Variants in MGST1 observed in about 807,000 individuals in gnomAD.
MGST1 encodes glutathione S-transferase 12.
A neutral mutation model predicts 8.9 loss-of-function variants in MGST1; 5 were observed. The ratio of observed to expected loss-of-function variants is 0.56; its 90% CI spans 0.29 to 1.19. The LOEUF (loss-of-function observed/expected upper bound fraction) is 1.19, where lower values mean the gene tolerates loss of function less well. MGST1 is among the 50% of genes most tolerant of loss of function. The pLI, the probability that MGST1 is intolerant of heterozygous loss-of-function variation, is 0.08. For synonymous variants in MGST1, 54 were observed against 67.8 expected, an observed-to-expected ratio of 0.80 and a Z score of 1.00; for missense variants, 182 against 187.4, an observed-to-expected ratio of 0.97 and a Z score of 0.17.
chr12:16,539,869 TAAAC>T (rs933158836), intron 4 of MGST1, among the ~76,000 whole-genome samples: 23 of 152,326 alleles, frequency 1.5e-4, no homozygotes, highest in African/African-American at 5.3e-4. Flanking sequence ...TTTCATAAAA[TAAAC>T]AAGGCCCTTC....
At chr12:16,403,317 TG>T (rs1253999342) in intron 1 of MGST1, among the ~76,000 whole-genome samples, 3 of 152,164 alleles carry the variant, frequency 2.0e-5, no homozygotes, top group African/African-American at 7.2e-5. Flanking sequence ...CCTGCTTTAT[TG>T]TTTTTTTAAG....
chr12:16,481,472 A>G (rs904362335), intron 4 of MGST1, among the ~76,000 whole-genome samples: 3 of 152,232 alleles, frequency 2.0e-5, no homozygotes, highest in Non-Finnish European at 2.9e-5. Flanking sequence ...AGATATGTCT[A>G]GGATCCTCAA....
At position 16,354,198 on chromosome 12, in the gene MGST1, T is replaced by C. The variant is rs1591691794; in HGVS notation, c.-22-33T>C. 2.7e-6 allele frequency: 4 copies of C among 1,498,454 alleles called. No individual in the cohort carries two copies. The East Asian group carries it at 7.1e-5, about 27-fold the overall frequency. The allele number at this position is 1,498,454 out of a possible 1,614,324, so 92.8% of individuals were successfully genotyped here. A position where few individuals can be genotyped will look rare whatever the true frequency, so the allele number is the denominator to read the frequency against. On this transcript the variant is annotated intron_variant, in intron 1 of 3. Coordinates refer to ENST00000396210, the MANE Select transcript of MGST1 (RefSeq NM_020300.5). ...TCCAGTTATTTTGGGTATTTATGTC[T>C]GCTTTTTCCCATTTTATTTAAATCT...
chr12:16,364,025 G>A lies in MGST1; in HGVS notation c.452G>A (p.Ser151Asn). 6.2e-7 allele frequency: 1 copy of A among 1,608,638 alleles called. No individual in the cohort carries two copies. Among genetic ancestry groups the A allele is most frequent in the South Asian group, 1.1e-5 (1 of 90,406 alleles). ...TLSMAYRLLKSKLYL is the reference protein window; with the variant it reads ...TLSMAYRLLKNKLYL ...TCCATGGCTTACAGGTTGCTGAAAA[G>A]TAAATTGTACCTGTAAAGAAAATCA... The change falls in exon 4 of 4, where the codon AGT (serine) becomes AAT (asparagine). Residue 151 changes from serine (S) to asparagine (N), a missense_variant. Physicochemically the swap from Ser to Asn is conservative, Grantham distance 46. Transcript: ENST00000396210. The surrounding 1 kb of genome is among the most constrained non-coding windows in gnomAD (Gnocchi z 5.7).
chr12:16,377,230 T>C (rs1164049249), downstream of MGST1: 4 of 151,862 alleles, frequency 2.6e-5, 1 homozygote, highest in East Asian at 7.8e-4. Context: ...TGTGCCATGT[T>C]GGTGTGCTGC....
chr12:16,540,841 C>T (rs908525841), intron 4 of MGST1, among the ~76,000 whole-genome samples: 6 of 152,096 alleles, frequency 3.9e-5, no homozygotes, highest in African/African-American at 9.7e-5. Flanking sequence ...ACCCAGGAGG[C>T]GGAGGTTGCA....
At chr12:16,360,691 A>T (rs1166028386) in intron 3 of MGST1, among the ~76,000 whole-genome samples, 2 of 152,202 alleles carry the variant, frequency 1.3e-5, no homozygotes, top group African/African-American at 4.8e-5. Context: ...TAAAGGCTTG[A>T]GTTGGTATTT....
chr12:16,441,262 C>T (rs144875143), downstream of MGST1, among the ~76,000 whole-genome samples: 536 of 151,900 alleles, frequency 3.5e-3, 2 homozygotes, highest in African/African-American at 0.012. Context: ...CCCACCCAGG[C>T]ATAACCTCCT....
At chr12:16,520,276 A>G (rs1941640624) in intron 4 of MGST1, among the ~76,000 whole-genome samples, 1 of 152,236 alleles carries the variant, frequency 6.6e-6, no homozygotes, top group Non-Finnish European at 1.5e-5. Flanking sequence ...AAAGAATGTT[A>G]CAAAGATACT....
rs1362282077 is a variant in MGST1 at position 16,395,796 on chromosome 12, T to TACAC, written n.778+12193_778+12194insCACA. 1.4e-3 allele frequency among the ~76,000 whole-genome samples: 184 copies of TACAC among 134,586 alleles called. 3 individuals are homozygous for TACAC. The highest frequency in any genetic ancestry group is 0.011 in the Middle Eastern group (3 of 266). The allele number at this position is 134,586 out of a possible 152,430, so 88.3% of individuals were successfully genotyped here. A position where few individuals can be genotyped will look rare whatever the true frequency, so the allele number is the denominator to read the frequency against. ...GTATTCCATCATATATATATATATA[T>TACAC]ATATATATACACACACACACACACA... is the stretch of plus-strand genomic sequence containing the variant. On this transcript the variant is annotated intron_variant and non_coding_transcript_variant, in intron 1 of 1. Transcript: ENST00000359720.
chr12:16,424,368 C>T (rs554168147), intron 1 of MGST1, among the ~76,000 whole-genome samples: 2 of 152,304 alleles, frequency 1.3e-5, no homozygotes, highest in African/African-American at 4.8e-5. Flanking sequence ...TAAAGTCTCT[C>T]ATGCATCACT....
downstream of MGST1, among the ~76,000 whole-genome samples, chr12:16,381,546 G>A (rs997078928): frequency 1.3e-5 from 2 of 152,114 alleles, no homozygotes; most frequent in African/African-American, 4.8e-5. Flanking sequence ...TGGGTAACCC[G>A]ACCTTTCTCT....
chr12:16,386,683 A>T (rs7960412), intron 1 of MGST1, among the ~76,000 whole-genome samples: 62,300 of 151,980 alleles, frequency 0.41, 13,465 homozygotes, highest in East Asian at 0.57. Context: ...GAACACCCAA[A>T]CTGTGTACAG....
At chr12:16,429,989 T>C (rs1290244888) in intron 1 of MGST1, among the ~76,000 whole-genome samples, 1 of 152,242 alleles carries the variant, frequency 6.6e-6, no homozygotes, top group Non-Finnish European at 1.5e-5. Context: ...GTCAATTCTT[T>C]CAAACCCTTT....
chr12:16,459,065 T>G (rs1332150165), intron 4 of MGST1, among the ~76,000 whole-genome samples: 3 of 152,112 alleles, frequency 2.0e-5, no homozygotes, highest in Non-Finnish European at 4.4e-5. Context: ...TATTAAAACT[T>G]TATGATAGAC....
intron 4 of MGST1, among the ~76,000 whole-genome samples, chr12:16,460,809 A>G (rs1720942172): frequency 6.6e-6 from 1 of 152,058 alleles, no homozygotes; most frequent in Admixed American, 6.6e-5. Context: ...GTGTGTTTTA[A>G]TAGATGTCAG....
intron 2 of MGST1, among the ~76,000 whole-genome samples, chr12:16,357,160 G>T (rs1939753104): frequency 6.6e-6 from 1 of 152,126 alleles, no homozygotes; most frequent in South Asian, 2.1e-4. Flanking sequence ...TCTTGTGTTT[G>T]ATTTATTGCT....
intron 1 of MGST1, among the ~76,000 whole-genome samples, chr12:16,417,047 C>A (rs772409128): frequency 6.6e-6 from 1 of 152,058 alleles, no homozygotes; most frequent in Non-Finnish European, 1.5e-5. Context: ...ATTCAACAAA[C>A]TTTTTTGTAG....
chr12:16,538,833 C>T (rs1421359386), intron 4 of MGST1, among the ~76,000 whole-genome samples: 3 of 152,216 alleles, frequency 2.0e-5, no homozygotes, highest in African/African-American at 4.8e-5. Context: ...GGGTATCGAT[C>T]TCCTGACCTT....
Sources: allele counts gnomAD v4.1 joint callset (sites outside exome capture counted in the v4.1 genomes callset), GRCh38; gene constraint gnomAD v4.1.1; non-coding constraint Gnocchi (gnomAD v3.1); transcripts MANE v1.5; gene names NCBI Gene and HGNC (gene_info 2026-07-23, HGNC 2026-07-21).